ARGLU1: variants seen among roughly 807,000 people sequenced by gnomAD.
ARGLU1 encodes the protein arginine and glutamate-rich protein 1.
ARGLU1 carries 9 observed loss-of-function variants against 37.6 expected under a neutral mutation model. The observed-to-expected ratio is 0.24, with a 90% CI of 0.14 to 0.42. The LOEUF is 0.42. Ranked by LOEUF, ARGLU1 falls within the 10% of genes least tolerant of loss-of-function variation. ARGLU1 has a pLI of 1.00. For synonymous variants in ARGLU1, 166 were observed against 138.5 expected (o/e 1.20, Z -1.39); for missense variants, 211 against 359.2 (o/e 0.59, Z 3.34).
chr13:106,545,645 C>T (rs1880368876), intron 3 of ARGLU1, among the ~76,000 whole-genome samples: 1 of 152,094 alleles, frequency 6.6e-6, no homozygotes, highest in Admixed American at 6.6e-5. Flanking sequence ...TAACAGGACT[C>T]CGGTATGCAA....
In ARGLU1 at chr13:106,568,117, C is replaced by T. The variant is rs565427919; in HGVS notation, c.-198G>A. 6.1e-6 allele frequency: 5 copies of T among 817,008 alleles called. No individual in the cohort carries two copies. Among genetic ancestry groups the T allele is most frequent in the African/African-American group, 1.8e-5 (1 of 54,740 alleles). The allele number at this position is 817,008 out of a possible 1,614,324, so 50.6% of individuals were successfully genotyped here. The stretch of plus-strand genomic sequence containing the variant: ...CCAACGAGAAACCCGTAGCGCCAGG[C>T]GCCCCTAAGATGGCAGCTGCGGCTG... On this transcript the variant is annotated 5_prime_UTR_variant, in exon 1 of 4. Transcript: ENST00000400198.
chr13:106,564,286 G>A (rs539755947), intron 1 of ARGLU1, among the ~76,000 whole-genome samples: 2 of 152,164 alleles, frequency 1.3e-5, no homozygotes, highest in Non-Finnish European at 2.9e-5. Context: ...TACTTATTGA[G>A]AGCTATTACA....
At chr13:106,549,824 G>A (rs548604485) in intron 3 of ARGLU1, among the ~76,000 whole-genome samples, 1 of 152,306 alleles carries the variant, frequency 6.6e-6, no homozygotes, top group African/African-American at 2.4e-5. Context: ...TGTTTCAAAA[G>A]GAGGAAGTGA....
At chr13:106,559,354 G>T in intron 2 of ARGLU1, 78 bp downstream of exon 2, 1 of 1,587,768 alleles carries the variant, frequency 6.3e-7, no homozygotes. Flanking sequence ...ATCTCTTTCT[G>T]AACTGAGCAG....
intron 3 of ARGLU1, among the ~76,000 whole-genome samples, chr13:106,555,250 G>A (rs1880632757): frequency 6.6e-6 from 1 of 151,928 alleles, no homozygotes; most frequent in East Asian, 1.9e-4. Flanking sequence ...TCAGCTACTC[G>A]GGAGGCTGAG....
intron 3 of ARGLU1, 105 bp downstream of exon 3, chr13:106,556,943 C>G (rs576694378): frequency 1.0e-6 from 1 of 952,630 alleles, no homozygotes; most frequent in Admixed American, 1.9e-5. Context: ...CTGAGAATCC[C>G]CCCAAAATAA....
intron 3 of ARGLU1, among the ~76,000 whole-genome samples, chr13:106,555,989 A>G (rs1280285390): frequency 6.6e-6 from 1 of 152,156 alleles, no homozygotes; most frequent in Non-Finnish European, 1.5e-5. Flanking sequence ...TTTACCCTTC[A>G]AAGCTCAACC....
chr13:106,543,951 C>G lies in ARGLU1; in HGVS notation c.*45G>C, dbSNP rs1880327538. On this transcript the variant is annotated 3_prime_UTR_variant, in exon 4 of 4. Transcript: ENST00000400198. ...ACCACTTCAACATGAAGCTACCATA[C>G]AAAGTTTTTCCATTTTTCTTTGTAA... 1.3e-6 allele frequency: 2 copies of G among 1,526,216 alleles called. No individual in the cohort carries two copies. The highest frequency in any genetic ancestry group is 2.5e-5 in the Admixed American group (1 of 40,654). 94.5% of individuals were successfully genotyped at this position (1,526,216 alleles called of 1,614,324 possible). A position where few individuals can be genotyped will look rare whatever the true frequency, so the allele number is the denominator to read the frequency against.
chr13:106,543,132 C>G lies in ARGLU1; in HGVS notation c.*864G>C, dbSNP rs1435469243. On this transcript the variant is annotated 3_prime_UTR_variant, in exon 4 of 4. Coordinates refer to ENST00000400198, the MANE Select transcript of ARGLU1 (RefSeq NM_018011.4). ...GTAACACTGATGCCATTTGCTCTAT[C>G]AGCATAAAGTTGATATTTGTAAAAA... The G allele has an allele frequency of 2.0e-5, 3 of 152,090 alleles. No individual in the cohort carries two copies. Among genetic ancestry groups the G allele is most frequent in the Non-Finnish European group, 4.4e-5 (3 of 67,932 alleles). 9.4% of individuals were successfully genotyped at this position (152,090 alleles called of 1,614,324 possible).
intron 1 of ARGLU1, among the ~76,000 whole-genome samples, chr13:106,561,370 G>A (rs1211647441): frequency 6.6e-6 from 1 of 150,692 alleles, no homozygotes; most frequent in South Asian, 2.1e-4. Flanking sequence ...GAGTACCCAA[G>A]AATAATAATA....
chr13:106,551,888 C>G (rs894330104), intron 3 of ARGLU1, among the ~76,000 whole-genome samples: 3 of 152,162 alleles, frequency 2.0e-5, no homozygotes, highest in African/African-American at 7.2e-5. Context: ...TCTAAGAAAA[C>G]ATGTGATGGC....
At chr13:106,549,344 A>G (rs2138965471) in intron 3 of ARGLU1, among the ~76,000 whole-genome samples, 1 of 152,352 alleles carries the variant, frequency 6.6e-6, no homozygotes, top group Admixed American at 6.5e-5. Flanking sequence ...ACCTTCCAAG[A>G]TAAACAGCCT....
intron 1 of ARGLU1, among the ~76,000 whole-genome samples, chr13:106,560,564 C>G (rs990728721): frequency 6.6e-6 from 1 of 152,012 alleles, no homozygotes; most frequent in East Asian, 1.9e-4. Flanking sequence ...TATTTGATTG[C>G]GTGTTAAAAT....
intron 1 of ARGLU1, among the ~76,000 whole-genome samples, chr13:106,565,075 T>TA (rs1319797251): frequency 6.6e-6 from 1 of 152,200 alleles, no homozygotes; most frequent in Non-Finnish European, 1.5e-5. Flanking sequence ...ACCCACCTCT[T>TA]AGTTTCCATC....
chr13:106,561,864 C>T (rs1487647515), intron 1 of ARGLU1: 1 of 152,238 alleles, frequency 6.6e-6, no homozygotes, highest in Non-Finnish European at 1.5e-5. Flanking sequence ...CAGTTCCCTG[C>T]TTCTATTTCC....
At chr13:106,544,282 G>T in intron 3 of ARGLU1, 122 bp from the exon 4 acceptor site, 1 of 785,128 alleles carries the variant, frequency 1.3e-6, no homozygotes, top group Non-Finnish European at 1.8e-6. Flanking sequence ...GCAAAAAAGG[G>T]GGTAAAAACA....
intron 2 of ARGLU1, chr13:106,558,964 T>C (rs1000466484): frequency 7.1e-6 from 7 of 985,398 alleles, no homozygotes; most frequent in Middle Eastern, 1.0e-3. Flanking sequence ...AAAACCTATT[T>C]ATCAAAGCAG....
At chr13:106,564,231 CA>C (rs1425944002) in intron 1 of ARGLU1, among the ~76,000 whole-genome samples, 2 of 152,210 alleles carry the variant, frequency 1.3e-5, no homozygotes, top group African/African-American at 4.8e-5. Context: ...TGAAATTCAT[CA>C]GGCTCGGTCT....
chr13:106,557,424 A>G lies in ARGLU1; in HGVS notation c.574-293T>C. On this transcript the variant is annotated intron_variant, in intron 2 of 3. Coordinates refer to ENST00000400198, the MANE Select transcript of ARGLU1 (RefSeq NM_018011.4). This position sits in a 1 kb window ranked among gnomAD's most constrained non-coding sequence, Gnocchi z 5.0. Reference sequence around the variant, plus strand: ...ACAAATCAACAAGGACAACTACAAAACTGGATAGTATTTACCAAATTAAAA... The same window carrying G: ...ACAAATCAACAAGGACAACTACAAAGCTGGATAGTATTTACCAAATTAAAA... 3.0e-6 allele frequency: 2 copies of G among 664,174 alleles called. No homozygotes were observed. The highest frequency in any genetic ancestry group is 4.4e-6 in the Non-Finnish European group (2 of 455,012). 41.1% of individuals were successfully genotyped at this position (664,174 alleles called of 1,614,324 possible). A position where few individuals can be genotyped will look rare whatever the true frequency, so the allele number is the denominator to read the frequency against.
Sources: gnomAD v4.1 joint callset for allele counts (sites outside exome capture counted in the v4.1 genomes callset) on GRCh38, gnomAD v4.1.1 for gene constraint, Gnocchi (gnomAD v3.1) non-coding constraint, MANE v1.5 for transcripts, NCBI Gene and HGNC (gene_info 2026-07-23, HGNC 2026-07-21) for gene names.